Variants in PPFIA2 observed in about 807,000 individuals in gnomAD.
PPFIA2 encodes the protein PPFI scaffold protein A2, also known as liprin-alpha-2.
Under a neutral mutation model 175.5 loss-of-function variants are expected in PPFIA2, and 46 were observed. The ratio of observed to expected loss-of-function variants is 0.26; its 90% CI spans 0.21 to 0.34. The LOEUF (loss-of-function observed/expected upper bound fraction) is 0.34, where lower values mean the gene tolerates loss of function less well. Among genes scored for constraint, PPFIA2 ranks in the 10% least tolerant of loss-of-function variants. The pLI, the probability that PPFIA2 is intolerant of heterozygous loss-of-function variation, is 1.00. For synonymous variants in PPFIA2, 568 were observed against 511.4 expected (o/e 1.11, Z -1.49); for missense variants, 1,179 against 1,506.1 (o/e 0.78, Z 3.60).
intron 4 of PPFIA2, among the ~76,000 whole-genome samples, chr12:81,611,744 G>T (rs138008602): frequency 6.6e-6 from 1 of 152,096 alleles, no homozygotes; most frequent in Non-Finnish European, 1.5e-5. Context: ...AGTGATGGGC[G>T]TTTATGGCTG....
At chr12:81,733,779 G>A (rs1355789855) in intron 3 of PPFIA2, among the ~76,000 whole-genome samples, 1 of 151,480 alleles carries the variant, frequency 6.6e-6, no homozygotes, top group Non-Finnish European at 1.5e-5. Flanking sequence ...TGTAAATATT[G>A]GTTTAATCAT....
rs750059463 is a variant in PPFIA2, at chr12:81,512,388, T to A, written c.304-54522A>T. ...ACTTACATTCTCTGAGCATTCTACC[T>A]TCTAAACTTTGTGATGCTGGACCCA... On this transcript the variant is annotated intron_variant, in intron 4 of 32. Coordinates refer to ENST00000549396, the MANE Select transcript of PPFIA2 (RefSeq NM_003625.5). 5 of 1,284,088 alleles carry A rather than the reference T, an allele frequency of 3.9e-6. No individual in the cohort carries two copies. In the South Asian group the frequency reaches 6.2e-5, roughly 16 times the overall value. The allele number at this position is 1,284,088 out of a possible 1,614,324, so 79.5% of individuals were successfully genotyped here.
At chr12:81,300,012 T>C (rs1051627340) in intron 22 of PPFIA2, among the ~76,000 whole-genome samples, 4 of 152,214 alleles carry the variant, frequency 2.6e-5, no homozygotes, top group Admixed American at 2.6e-4. Flanking sequence ...GTACACTTGC[T>C]TTTATCTATA....
rs1311052833 is a variant in PPFIA2, at chr12:81,258,877, G to C, written c.*817C>G. Reference sequence around the variant, plus strand: ...GTTTTTTTATCTTTTTTTTTTTCTTGGTCCACAGGTAACAAGAGAAGATTA... The same window carrying C: ...GTTTTTTTATCTTTTTTTTTTTCTTCGTCCACAGGTAACAAGAGAAGATTA... On this transcript the variant is annotated 3_prime_UTR_variant, in exon 33 of 33. Coordinates refer to ENST00000549396, the MANE Select transcript of PPFIA2 (RefSeq NM_003625.5). 2.7e-5 allele frequency: 4 copies of C among 148,472 alleles called. No homozygotes were observed. The highest frequency in any genetic ancestry group is 6.0e-5 in the Non-Finnish European group (4 of 67,212). The allele number at this position is 148,472 out of a possible 1,614,324, so 9.2% of individuals were successfully genotyped here.
chr12:81,556,667 A>T (rs1193924461), intron 4 of PPFIA2, among the ~76,000 whole-genome samples: 3 of 151,796 alleles, frequency 2.0e-5, no homozygotes, highest in Non-Finnish European at 4.4e-5. Flanking sequence ...TCTACCCCCT[A>T]CATTAACTTC....
rs924519664 is a variant in PPFIA2 at position 81,647,824 on chromosome 12, T to C, written c.303+28967A>G. Among the ~76,000 whole-genome samples the C allele has an allele frequency of 1.6e-3, 222 of 141,236 alleles. 1 individual carries two copies. Among genetic ancestry groups the C allele is most frequent in the African/African-American group, 5.6e-3 (216 of 38,482 alleles). The allele number at this position is 141,236 out of a possible 152,430, so 92.7% of individuals were successfully genotyped here. A position where few individuals can be genotyped will look rare whatever the true frequency, so the allele number is the denominator to read the frequency against. On this transcript the variant is annotated intron_variant, in intron 4 of 32. Coordinates refer to ENST00000549396, the MANE Select transcript of PPFIA2 (RefSeq NM_003625.5). Reference sequence around the variant, plus strand: ...TATATTATATATACTATAAAATATATAGTATATATAATATATAATATAATA... The same window carrying C: ...TATATTATATATACTATAAAATATACAGTATATATAATATATAATATAATA...
intron 4 of PPFIA2, among the ~76,000 whole-genome samples, chr12:81,473,695 T>C (rs1347410382): frequency 1.3e-5 from 2 of 152,196 alleles, no homozygotes; most frequent in Non-Finnish European, 2.9e-5. Context: ...GAATTGTAAA[T>C]TTTTTACATC....
intron 4 of PPFIA2, among the ~76,000 whole-genome samples, chr12:81,627,278 A>C (rs570026204): frequency 5.9e-5 from 9 of 152,244 alleles, no homozygotes; most frequent in Admixed American, 2.6e-4. Context: ...ACATAACTAG[A>C]GGAGTGGGCC....
chr12:81,390,757 C>T (rs916355272), intron 8 of PPFIA2, among the ~76,000 whole-genome samples: 1 of 151,464 alleles, frequency 6.6e-6, no homozygotes, highest in African/African-American at 2.4e-5. Context: ...TGATAGTATT[C>T]TTTGAATTTC....
In PPFIA2 at chr12:81,553,903, G is replaced by T. The variant is rs1034811308; in HGVS notation, c.304-96037C>A. ...TTTGATGGTGATGATGGAGTAGGTGGTAAGAGCTGGATAAGTGACTTGGAA... is the reference window on the plus strand; with the variant it reads ...TTTGATGGTGATGATGGAGTAGGTGTTAAGAGCTGGATAAGTGACTTGGAA... On this transcript the variant is annotated intron_variant, in intron 4 of 32. Coordinates refer to ENST00000549396, the MANE Select transcript of PPFIA2 (RefSeq NM_003625.5). 3.3e-5 allele frequency among the ~76,000 whole-genome samples: 5 copies of T among 152,034 alleles called. No homozygotes were observed. In the East Asian group the frequency reaches 9.7e-4, roughly 29 times the overall value.
chr12:81,670,662 T>C (rs2071229936), intron 4 of PPFIA2, among the ~76,000 whole-genome samples: 1 of 151,944 alleles, frequency 6.6e-6, no homozygotes, highest in Admixed American at 6.6e-5. Flanking sequence ...AGTCTTCCAT[T>C]TAATCTCTCA....
At position 81,277,177 on chromosome 12, in the gene PPFIA2, G is replaced by GA. The variant is rs1025984624; in HGVS notation, c.3310+139dup. The GA allele has an allele frequency of 3.0e-4, 192 of 644,606 alleles. 2 individuals are homozygous for GA. Among genetic ancestry groups the GA allele is most frequent in the South Asian group, 1.5e-3 (37 of 24,298 alleles). The allele number at this position is 644,606 out of a possible 1,614,324, so 39.9% of individuals were successfully genotyped here. On this transcript the variant is annotated intron_variant, in intron 28 of 32. Transcript: ENST00000549396. Reference sequence around the variant, plus strand: ...TCTGTATTTTAATTAGAAAAGAATGGAAAAAAAACAGTAACAATTCTAGCC... The same window carrying GA: ...TCTGTATTTTAATTAGAAAAGAATGGAAAAAAAAACAGTAACAATTCTAGCC...
At chr12:81,449,801 C>T (rs1274733719) in intron 5 of PPFIA2, among the ~76,000 whole-genome samples, 1 of 146,254 alleles carries the variant, frequency 6.8e-6, no homozygotes. Context: ...CCCCCGACCC[C>T]ATGACAGGCC....
chr12:81,611,311 C>T (rs537765202), intron 4 of PPFIA2, among the ~76,000 whole-genome samples: 4 of 152,134 alleles, frequency 2.6e-5, no homozygotes, highest in East Asian at 3.9e-4. Flanking sequence ...ACCTGGGGCC[C>T]GGGACCCAGC....
intron 4 of PPFIA2, among the ~76,000 whole-genome samples, chr12:81,617,670 C>G (rs2061543632): frequency 6.6e-6 from 1 of 152,186 alleles, no homozygotes; most frequent in Non-Finnish European, 1.5e-5. Context: ...TCTGTCCTCA[C>G]TTTATTTCAC....
chr12:81,286,610 G>C (rs1362108376), intron 24 of PPFIA2, among the ~76,000 whole-genome samples: 1 of 151,818 alleles, frequency 6.6e-6, no homozygotes, highest in Non-Finnish European at 1.5e-5. Context: ...TATGCTCTAT[G>C]GTACTCTCAA....
At position 81,259,079 on chromosome 12, in the gene PPFIA2, T is replaced by G. The variant is rs1163698103; in HGVS notation, c.*615A>C. ...CCGGTTCCAGGTTAAATCATTCTTT[T>G]TTACATGATCAGAGGCAGGTTGTTC... On this transcript the variant is annotated 3_prime_UTR_variant, in exon 33 of 33. Transcript: ENST00000549396. 6.0e-6 allele frequency: 1 copy of G among 167,932 alleles called. No homozygotes were observed. 10.4% of individuals were successfully genotyped at this position (167,932 alleles called of 1,614,324 possible). A position where few individuals can be genotyped will look rare whatever the true frequency, so the allele number is the denominator to read the frequency against.
chr12:81,626,855 T>A (rs2062770494), intron 4 of PPFIA2, among the ~76,000 whole-genome samples: 1 of 152,060 alleles, frequency 6.6e-6, no homozygotes. Flanking sequence ...CTTTTTCATC[T>A]TGATGTAAAA....
intron 7 of PPFIA2, among the ~76,000 whole-genome samples, chr12:81,413,635 T>C (rs551455998): frequency 2.0e-5 from 3 of 151,976 alleles, no homozygotes; most frequent in African/African-American, 7.2e-5. Context: ...GGCAATTTCA[T>C]TGCATCTTAA....
Sources: gnomAD v4.1 joint callset for allele counts (sites outside exome capture counted in the v4.1 genomes callset) on GRCh38, gnomAD v4.1.1 for gene constraint, MANE v1.5 for transcripts, NCBI Gene and HGNC (gene_info 2026-07-23, HGNC 2026-07-21) for gene names.